The following GLCE variants were observed in gnomAD, a reference collection of about 807,000 sequenced individuals.
GLCE encodes D-glucuronyl C5-epimerase.
In GLCE, 19 loss-of-function variants were observed where a neutral mutation model predicts 47.9. That is an observed-to-expected ratio of 0.40 (90% CI 0.28 to 0.58). The LOEUF is 0.58. Ranked by LOEUF, GLCE falls within the 20% of genes least tolerant of loss-of-function variation. The probability of loss-of-function intolerance (pLI) is 0.48; values close to 1 mark genes in which losing one functional copy is unlikely to be tolerated. For synonymous variants in GLCE, 245 were observed against 263.4 expected (o/e 0.93, Z 0.68); for missense variants, 556 against 743.3 (o/e 0.75, Z 2.93).
At chr15:69,237,600 A>G (rs2052610789) in intron 2 of GLCE, among the ~76,000 whole-genome samples, 1 of 152,108 alleles carries the variant, frequency 6.6e-6, no homozygotes, top group Admixed American at 6.6e-5. Flanking sequence ...CTGTCTCCAA[A>G]AAAATTAAAA....
intron 1 of GLCE, among the ~76,000 whole-genome samples, chr15:69,196,178 T>C (rs2051987825): frequency 6.6e-6 from 1 of 151,992 alleles, no homozygotes; most frequent in African/African-American, 2.4e-5. Flanking sequence ...TTGAGGAAAG[T>C]GTGTGCCTAG....
At chr15:69,219,899 C>T (rs1595762431) in intron 2 of GLCE, among the ~76,000 whole-genome samples, 1 of 152,062 alleles carries the variant, frequency 6.6e-6, no homozygotes, top group Admixed American at 6.6e-5. Context: ...TTCCCCCACT[C>T]CCTGGCAACC....
intron 2 of GLCE, among the ~76,000 whole-genome samples, chr15:69,213,838 G>A (rs1244036107): frequency 1.3e-5 from 2 of 152,030 alleles, no homozygotes; most frequent in Non-Finnish European, 2.9e-5. Flanking sequence ...ATACAGAGTA[G>A]TCCCTGCTCA....
chr15:69,261,334 G>A lies in GLCE; in HGVS notation c.829+5G>A. 6.2e-7 allele frequency: 1 copy of A among 1,612,396 alleles called. No individual in the cohort carries two copies. The highest frequency in any genetic ancestry group is 8.5e-7 in the Non-Finnish European group (1 of 1,178,988). On this transcript the variant is annotated splice_donor_5th_base_variant and intron_variant, in intron 4 of 4. Coordinates refer to ENST00000261858, the MANE Select transcript of GLCE (RefSeq NM_015554.3). Reference sequence around the variant, plus strand: ...TCAAACAGTTTATTGCACCAGGTAAGTTATGTATTATATGTGCCTGCTAAT... The same window carrying A: ...TCAAACAGTTTATTGCACCAGGTAAATTATGTATTATATGTGCCTGCTAAT...
At position 69,238,736 on chromosome 15, in the gene GLCE, A is replaced by G. The variant is rs151306987; in HGVS notation, c.-13-17058A>G. ...CATACAGGTAACAAAACCCAATAGA[A>G]TAGTTTGAAAATGAACATACATAAT... On this transcript the variant is annotated intron_variant, in intron 2 of 4. Transcript: ENST00000261858. 7.9e-5 allele frequency among the ~76,000 whole-genome samples: 12 copies of G among 152,350 alleles called. No individual in the cohort carries two copies. The East Asian group carries it at 2.1e-3, about 27-fold the overall frequency.
intron 2 of GLCE, among the ~76,000 whole-genome samples, chr15:69,227,736 A>G (rs1241256403): frequency 1.3e-5 from 2 of 152,196 alleles, no homozygotes. Context: ...AGTGTTAAAT[A>G]TGACTGACTA....
Position 69,271,640 on chromosome 15 carries a change from T to G in GLCE, c.*2396T>G, listed in dbSNP as rs2053168404. 6.6e-6 allele frequency: 1 copy of G among 152,540 alleles called. No individual in the cohort carries two copies. The highest frequency in any genetic ancestry group is 1.5e-5 in the Non-Finnish European group (1 of 68,042). The allele number at this position is 152,540 out of a possible 1,614,324, so 9.4% of individuals were successfully genotyped here. A position where few individuals can be genotyped will look rare whatever the true frequency, so the allele number is the denominator to read the frequency against. On this transcript the variant is annotated 3_prime_UTR_variant, in exon 5 of 5. Coordinates refer to ENST00000261858, the MANE Select transcript of GLCE (RefSeq NM_015554.3). ...TTATTTCTTTAAGTTTTTCTTTGCT[T>G]TAAGATTATAGGTATTAGGTTTGTT...
intron 1 of GLCE, among the ~76,000 whole-genome samples, chr15:69,162,454 A>C (rs181519204): frequency 6.6e-6 from 1 of 152,140 alleles, no homozygotes; most frequent in African/African-American, 2.4e-5. Context: ...GCTGTTCTGT[A>C]AATATGTAAT....
intron 1 of GLCE, among the ~76,000 whole-genome samples, chr15:69,202,537 C>T (rs1363450621): frequency 1.3e-5 from 2 of 152,076 alleles, no homozygotes; most frequent in Non-Finnish European, 2.9e-5. Context: ...CGTTAAATGC[C>T]TTCTAAAAGA....
chr15:69,261,278 A>C lies in GLCE; in HGVS notation c.778A>C (p.Asn260His). 2 of 1,614,092 alleles carry C rather than the reference A, an allele frequency of 1.2e-6. No homozygotes were observed. The highest frequency in any genetic ancestry group is 2.2e-5 in the South Asian group (2 of 91,076). The change falls in exon 4 of 5, where the codon AAT (asparagine) becomes CAT (histidine). Residue 260 changes from asparagine to histidine, a missense_variant. Around this residue, in one of 3 missense-constraint regions of GLCE, gnomAD observed 74 missense variants for 64.4 expected, o/e 1.15. Transcript: ENST00000261858. ...WTVPKGCFMA[N>H]VADKSRFTNV... ...TGTGCCAAAGGGCTGCTTTATGGCG[A>C]ATGTGGCTGATAAGTCTAGATTCAC...
intron 1 of GLCE, among the ~76,000 whole-genome samples, chr15:69,161,791 A>G (rs555931938): frequency 6.6e-6 from 1 of 152,130 alleles, no homozygotes; most frequent in South Asian, 2.1e-4. Flanking sequence ...GAGCTCCGGG[A>G]GCTAGAGTGG....
intron 1 of GLCE, among the ~76,000 whole-genome samples, chr15:69,205,922 A>G (rs1021663096): frequency 6.6e-6 from 1 of 152,116 alleles, no homozygotes; most frequent in Non-Finnish European, 1.5e-5. Flanking sequence ...ACAGCTTGCC[A>G]TAATAATAAC....
intron 2 of GLCE, among the ~76,000 whole-genome samples, chr15:69,250,280 A>G (rs556107563): frequency 1.2e-3 from 184 of 152,238 alleles, no homozygotes; most frequent in South Asian, 6.4e-3. Context: ...CAACATTATA[A>G]TGAAATTACT....
At position 69,233,383 on chromosome 15, in the gene GLCE, T is replaced by C. The variant is rs185762028; in HGVS notation, c.-13-22411T>C. ...GTTTTTAGTTTATAAATTCCCCTTG[T>C]TTTATCTCTACATTCAGGCTCTATA... On this transcript the variant is annotated intron_variant, in intron 2 of 4. Transcript: ENST00000261858. Among the ~76,000 whole-genome samples the C allele has an allele frequency of 2.6e-5, 4 of 152,350 alleles. No homozygotes were observed. The South Asian group carries it at 6.2e-4, about 24-fold the overall frequency.
At chr15:69,178,048 T>C (rs775802947) in intron 1 of GLCE, among the ~76,000 whole-genome samples, 1 of 152,242 alleles carries the variant, frequency 6.6e-6, no homozygotes, top group South Asian at 2.1e-4. Flanking sequence ...CAAATAAAGC[T>C]GTTACGAATA....
chr15:69,243,057 CAAAAAAAAAAAA>C (rs547412078), intron 2 of GLCE, among the ~76,000 whole-genome samples: 2 of 42,362 alleles, frequency 4.7e-5, no homozygotes, highest in Non-Finnish European at 1.1e-4. Flanking sequence ...AGATCCTGTC[CAAAAAAAAAAAA>C]AAAAAAAGAA....
Position 69,256,031 on chromosome 15 carries a change from A to G in GLCE, c.225A>G (p.Glu75=), listed in dbSNP as rs767583824. 8 of 1,614,134 alleles carry G rather than the reference A, an allele frequency of 5.0e-6. No homozygotes were observed. The highest frequency in any genetic ancestry group is 4.2e-6 in the Non-Finnish European group (5 of 1,179,982). ...ACGTGGCCAAACAACAGTCTGAGGAAGCATTCCCTCAGGAACAGCAGAAAG... is the reference window on the plus strand; with the variant it reads ...ACGTGGCCAAACAACAGTCTGAGGAGGCATTCCCTCAGGAACAGCAGAAAG... ...MNHVAKQQSE[E]AFPQEQQKAP... The change falls in exon 3 of 5, where the codon GAA becomes GAG. Residue 75 remains glutamate (E), a synonymous_variant. Transcript: ENST00000261858.
intron 2 of GLCE, among the ~76,000 whole-genome samples, chr15:69,233,189 T>A (rs1348378867): frequency 6.6e-6 from 1 of 152,172 alleles, no homozygotes; most frequent in Non-Finnish European, 1.5e-5. Context: ...GCTGGACATA[T>A]TTAACTTTTG....
intron 2 of GLCE, among the ~76,000 whole-genome samples, chr15:69,214,180 T>C (rs961059985): frequency 6.6e-6 from 1 of 152,130 alleles, no homozygotes; most frequent in African/African-American, 2.4e-5. Flanking sequence ...GCTAGGTATG[T>C]TCATTGCTAC....
Sources: gnomAD v4.1 joint callset for allele counts (sites outside exome capture counted in the v4.1 genomes callset) on GRCh38, gnomAD v4.1.1 for gene constraint, gnomAD v4.1.1 regional missense constraint, MANE v1.5 for transcripts, NCBI Gene and HGNC (gene_info 2026-07-23, HGNC 2026-07-21) for gene names.